The following ZNF280D variants were observed in gnomAD, a reference collection of about 807,000 sequenced individuals.
The protein encoded by ZNF280D is zinc finger protein 280D.
In ZNF280D, 39 loss-of-function variants were observed where a neutral mutation model predicts 94.7. The ratio of observed to expected loss-of-function variants is 0.41; its 90% CI spans 0.32 to 0.54. The LOEUF is 0.54. Ranked by LOEUF, ZNF280D falls within the 20% of genes least tolerant of loss-of-function variation. The pLI, the probability that ZNF280D is intolerant of heterozygous loss-of-function variation, is 0.22. For synonymous variants in ZNF280D, 398 were observed against 377.6 expected, an observed-to-expected ratio of 1.05 and a Z score of -0.63; for missense variants, 1,090 against 1,149.3, an observed-to-expected ratio of 0.95 and a Z score of 0.75.
chr15:56,726,979 G>A lies in ZNF280D; in HGVS notation c.-86+6479C>T, dbSNP rs529711632. The stretch of plus-strand genomic sequence containing the variant: ...ACTCAAACAAGTGGTTAGACGTAGA[G>A]GCTTTTATACTATTTTAACCCCCCC... On this transcript the variant is annotated intron_variant, in intron 1 of 21. Transcript: ENST00000267807. Among the ~76,000 whole-genome samples, 3 of 152,254 alleles carry A rather than the reference G, an allele frequency of 2.0e-5. No homozygotes were observed. In the East Asian group the frequency reaches 5.8e-4, roughly 29 times the overall value.
intron 13 of ZNF280D, 101 bp from the exon 14 acceptor site, chr15:56,669,058 G>T (rs1007574815): frequency 1.8e-6 from 2 of 1,125,618 alleles, no homozygotes; most frequent in Non-Finnish European, 2.5e-6. Context: ...CCTAAATAAT[G>T]TAAAAACTTG....
chr15:56,670,000 TATATATATA>T (rs1363877336), intron 13 of ZNF280D, among the ~76,000 whole-genome samples: 75 of 1,300 alleles, frequency 0.058, 21 homozygotes, highest in African/African-American at 0.074. Flanking sequence ...ATATATATTA[TATATATATA>T]ATATATATAT....
At chr15:56,696,412 A>G (rs770794695) in intron 6 of ZNF280D, among the ~76,000 whole-genome samples, 1 of 152,336 alleles carries the variant, frequency 6.6e-6, no homozygotes, top group Non-Finnish European at 1.5e-5. Context: ...CATTTTATAA[A>G]TAGGTAAACT....
In ZNF280D at chr15:56,643,563, A is replaced by G. The variant is rs190870061; in HGVS notation, c.2214-566T>C. Among the ~76,000 whole-genome samples, 20 of 151,842 alleles carry G rather than the reference A, an allele frequency of 1.3e-4. No individual in the cohort carries two copies. In the East Asian group the frequency reaches 3.7e-3, roughly 28 times the overall value. On this transcript the variant is annotated intron_variant, in intron 19 of 21. Coordinates refer to ENST00000267807, the MANE Select transcript of ZNF280D (RefSeq NM_017661.4). ...CCATAAGCACTGCTCAAATATTAAA[A>G]CTTCTTGATTTCTAAAAATATTAAT...
rs1394750027 is a variant in ZNF280D, at chr15:56,631,986, C to T, written c.2452G>A (p.Glu818Lys). The change falls in exon 22 of 22, where the codon GAA becomes AAA. Residue 818 changes from glutamate to lysine, a missense_variant. Coordinates refer to ENST00000267807, the MANE Select transcript of ZNF280D (RefSeq NM_017661.4). Reference protein sequence around the residue: ...KENETCLADQETGSKNIVSCD... With the variant: ...KENETCLADQKTGSKNIVSCD... The stretch of plus-strand genomic sequence containing the variant: ...CTGACGATGTTTTTTGAGCCAGTTT[C>T]CTGGTCTGCAAGACAGGTTTCATTT... 1 of 1,614,038 alleles carries T rather than the reference C, an allele frequency of 6.2e-7. No homozygotes were observed. Among genetic ancestry groups the T allele is most frequent in the Non-Finnish European group, 8.5e-7 (1 of 1,180,000 alleles).
intron 17 of ZNF280D, 106 bp from the exon 18 acceptor site, chr15:56,654,609 T>C: frequency 1.1e-6 from 1 of 951,426 alleles, no homozygotes; most frequent in South Asian, 1.7e-5. Context: ...TACATAACTA[T>C]AACTTCCCAT....
intron 3 of ZNF280D, 62 bp from the exon 4 acceptor site, chr15:56,704,329 T>C: frequency 6.9e-7 from 1 of 1,444,668 alleles, no homozygotes; most frequent in Non-Finnish European, 9.3e-7. Flanking sequence ...AACATTTTTG[T>C]AATACATAGC....
At chr15:56,712,191 A>G (rs2057794244) in intron 1 of ZNF280D, among the ~76,000 whole-genome samples, 1 of 152,200 alleles carries the variant, frequency 6.6e-6, no homozygotes, top group South Asian at 2.1e-4. Flanking sequence ...TAAACTAATT[A>G]AAATATACAC....
intron 6 of ZNF280D, chr15:56,699,012 G>A (rs557373934): frequency 7.2e-5 from 11 of 152,236 alleles, no homozygotes; most frequent in African/African-American, 2.4e-4. Flanking sequence ...CTGACCCACA[G>A]AAATTGTGAG....
chr15:56,682,194 T>C, intron 10 of ZNF280D, 60 bp downstream of exon 10: 1 of 1,240,168 alleles, frequency 8.1e-7, no homozygotes, highest in Non-Finnish European at 1.1e-6. Context: ...AATAAAAGTA[T>C]AACATTTTTA....
At chr15:56,707,446 C>G (rs567936301) in intron 1 of ZNF280D, 140 bp from the exon 2 acceptor site, 1 of 578,814 alleles carries the variant, frequency 1.7e-6, no homozygotes, top group Non-Finnish European at 2.6e-6. Flanking sequence ...ATAATTGGTT[C>G]ATTCCTGAAT....
chr15:56,708,982 G>A (rs1359553214), intron 1 of ZNF280D, among the ~76,000 whole-genome samples: 4 of 152,008 alleles, frequency 2.6e-5, no homozygotes, highest in Admixed American at 6.5e-5. Context: ...CAAAAGCAAC[G>A]GCAACAAAAG....
intron 1 of ZNF280D, among the ~76,000 whole-genome samples, chr15:56,711,608 G>A (rs2057762498): frequency 6.6e-6 from 1 of 152,136 alleles, no homozygotes; most frequent in Non-Finnish European, 1.5e-5. Flanking sequence ...TTGCAGTAGT[G>A]AGCTGAGATC....
intron 1 of ZNF280D, among the ~76,000 whole-genome samples, chr15:56,713,181 C>A (rs756423552): frequency 6.6e-6 from 1 of 152,116 alleles, no homozygotes; most frequent in African/African-American, 2.4e-5. Flanking sequence ...GATTGCATTA[C>A]TAACCAAGAA....
chr15:56,652,018 C>T (rs1313422538), intron 19 of ZNF280D, among the ~76,000 whole-genome samples: 1 of 138,010 alleles, frequency 7.2e-6, no homozygotes, highest in African/African-American at 2.7e-5. Flanking sequence ...GAGGAGATAA[C>T]AAAAATTCCT....
intron 1 of ZNF280D, among the ~76,000 whole-genome samples, chr15:56,721,000 T>C (rs1261708688): frequency 1.4e-5 from 2 of 145,740 alleles, no homozygotes; most frequent in African/African-American, 2.5e-5. Flanking sequence ...TCTCGCTCCA[T>C]TGACCAGCCT....
At position 56,729,433 on chromosome 15, in the gene ZNF280D, T is replaced by C. The variant is rs539759092; in HGVS notation, c.-86+4025A>G. On this transcript the variant is annotated intron_variant, in intron 1 of 21. Transcript: ENST00000267807. Reference sequence around the variant, plus strand: ...GATTTCGAATATAATTCATGATTCTTATTGTCCTAAGGAAAACTATACCTA... The same window carrying C: ...GATTTCGAATATAATTCATGATTCTCATTGTCCTAAGGAAAACTATACCTA... Among the ~76,000 whole-genome samples, 3 of 152,324 alleles carry C rather than the reference T, an allele frequency of 2.0e-5. No homozygotes were observed. In the South Asian group the frequency reaches 6.2e-4, roughly 32 times the overall value.
chr15:56,653,588 C>T, intron 19 of ZNF280D: 4 of 1,492,674 alleles, frequency 2.7e-6, no homozygotes, highest in Non-Finnish European at 3.6e-6. Flanking sequence ...AATCTCTGGG[C>T]TGCTTCTGCA....
At position 56,678,681 on chromosome 15, in the gene ZNF280D, G is replaced by T; in HGVS notation, c.1145C>A (p.Thr382Lys). 1.2e-6 allele frequency: 2 copies of T among 1,609,318 alleles called. No homozygotes were observed. The highest frequency in any genetic ancestry group is 2.2e-5 in the East Asian group (1 of 44,750). Residue 382 changes from threonine to lysine, a missense_variant, in exon 11 of 22, where the codon ACG becomes AAG. Transcript: ENST00000267807. ...QLQCHIESTH[T>K]PHEFSTICKI... ...TAACTTACTAGAAAATTCATGGGGC[G>T]TATGTGTACTTTCGATGTGACACTG...
Sources: gnomAD v4.1 joint callset for allele counts (sites outside exome capture counted in the v4.1 genomes callset) on GRCh38, gnomAD v4.1.1 for gene constraint, MANE v1.5 for transcripts, NCBI Gene and HGNC (gene_info 2026-07-23, HGNC 2026-07-21) for gene names.